TENM2: variants seen among roughly 807,000 people sequenced by gnomAD.
TENM2 encodes the protein teneurin-2.
In TENM2, 52 loss-of-function variants were observed where a neutral mutation model predicts 245.2. That is an observed-to-expected ratio of 0.21 (90% confidence interval 0.17 to 0.27). The LOEUF (loss-of-function observed/expected upper bound fraction) is 0.27, where lower values mean the gene tolerates loss of function less well. Among genes scored for constraint, TENM2 ranks in the 10% least tolerant of loss-of-function variants. The pLI is 1.00. For synonymous variants in TENM2, 1,363 were observed against 1,438.9 expected (o/e 0.95, Z 1.19); for missense variants, 3,046 against 3,666.8 (o/e 0.83, Z 4.37).
At chr5:168,153,607 A>G (rs551208451) in intron 12 of TENM2, among the ~76,000 whole-genome samples, 5 of 152,332 alleles carry the variant, frequency 3.3e-5, no homozygotes, top group Admixed American at 3.3e-4. Context: ...ACATGAGAAG[A>G]GAGAAATGGG....
chr5:168,109,873 G>A (rs1794535921), intron 9 of TENM2, among the ~76,000 whole-genome samples: 1 of 152,114 alleles, frequency 6.6e-6, no homozygotes, highest in South Asian at 2.1e-4. Context: ...AAGTTGCAGT[G>A]CACATTATTT....
At chr5:167,152,739 T>C in the TENM2 span, among the ~76,000 whole-genome samples, 102 of 152,254 alleles carry the variant, frequency 6.7e-4, no homozygotes, top group African/African-American at 2.3e-3. Flanking sequence ...GCAGGTAGTG[T>C]ATAAAGTGTG....
intron 3 of TENM2, among the ~76,000 whole-genome samples, chr5:167,879,035 G>C (rs1773664592): frequency 6.6e-6 from 1 of 152,056 alleles, no homozygotes; most frequent in Admixed American, 6.6e-5. Flanking sequence ...TTTGATGTTG[G>C]TGAAGCCCAT....
At chr5:167,407,890 A>G (rs1329698010) in intron 2 of TENM2, among the ~76,000 whole-genome samples, 1 of 152,138 alleles carries the variant, frequency 6.6e-6, no homozygotes, top group African/African-American at 2.4e-5. Flanking sequence ...ACTTCACTCA[A>G]ATGGACCTTC....
At chr5:167,518,053 G>A (rs1370606271) in intron 2 of TENM2, among the ~76,000 whole-genome samples, 5 of 151,850 alleles carry the variant, frequency 3.3e-5, no homozygotes, top group Non-Finnish European at 4.4e-5. Context: ...CGGATGTTAC[G>A]GCGCACACCT....
intron 3 of TENM2, among the ~76,000 whole-genome samples, chr5:167,877,675 TA>T (rs1773542448): frequency 6.6e-6 from 1 of 152,218 alleles, no homozygotes; most frequent in Admixed American, 6.5e-5. Flanking sequence ...AAATCAGGCT[TA>T]AAATGAAATC....
In TENM2 at chr5:167,605,941, T is replaced by G. The variant is rs559033717; in HGVS notation, c.502+230468T>G. On this transcript the variant is annotated intron_variant, in intron 2 of 28. Transcript: ENST00000518659. ...TAGAGCCGAGAGAAATTTGTAGTGT[T>G]AAAAGCTTCCTTAGGGGGCTTCTCA... is the stretch of plus-strand genomic sequence containing the variant. Among the ~76,000 whole-genome samples the G allele has an allele frequency of 4.6e-5, 7 of 152,258 alleles. No individual in the cohort carries two copies. The South Asian group carries it at 1.5e-3, about 32-fold the overall frequency.
At chr5:167,456,150 A>T (rs558237541) in intron 2 of TENM2, among the ~76,000 whole-genome samples, 1 of 152,308 alleles carries the variant, frequency 6.6e-6, no homozygotes, top group South Asian at 2.1e-4. Flanking sequence ...ACTCTAAAAA[A>T]TCTCAAAACT....
In TENM2 at chr5:167,716,733, G is replaced by C. The variant is rs185847558; in HGVS notation, c.503-159253G>C. 1.1e-4 allele frequency among the ~76,000 whole-genome samples: 16 copies of C among 152,178 alleles called. No individual in the cohort carries two copies. In the East Asian group the frequency reaches 2.9e-3, roughly 28 times the overall value. ...TACTAAGCAGTGGTATTTGGGAGCT[G>C]GGTAAAAACTTTCTGACACAAGCAT... On this transcript the variant is annotated intron_variant, in intron 2 of 28. Coordinates refer to ENST00000518659, the Ensembl canonical transcript of TENM2.
intron 2 of TENM2, among the ~76,000 whole-genome samples, chr5:167,420,602 A>G (rs748687117): frequency 2.6e-5 from 4 of 152,120 alleles, no homozygotes; most frequent in Non-Finnish European, 4.4e-5. Context: ...TGCCTCAGGT[A>G]TCTTCATGTC....
intron 2 of TENM2, among the ~76,000 whole-genome samples, chr5:167,582,533 G>A (rs1775162964): frequency 6.6e-6 from 1 of 152,104 alleles, no homozygotes; most frequent in African/African-American, 2.4e-5. Context: ...TTTTCAAATG[G>A]TGAAATGATG....
chr5:167,452,961 A>ATATATATATATATATAT (rs1561968262), intron 2 of TENM2, among the ~76,000 whole-genome samples: 9 of 77,070 alleles, frequency 1.2e-4, no homozygotes, highest in South Asian at 4.8e-4. Flanking sequence ...ATATATATAT[A>ATATATATATATATATAT]TTTAAAAAAA....
At chr5:168,073,708 G>A (rs1268777425) in intron 7 of TENM2, among the ~76,000 whole-genome samples, 2 of 152,172 alleles carry the variant, frequency 1.3e-5, no homozygotes, top group African/African-American at 2.4e-5. Flanking sequence ...ACACTTTCAC[G>A]TACCTGGGGA....
At chr5:167,096,338 A>C in the TENM2 span, among the ~76,000 whole-genome samples, 1 of 152,116 alleles carries the variant, frequency 6.6e-6, no homozygotes, top group East Asian at 1.9e-4. Flanking sequence ...CCTGTTGAAA[A>C]TCTGTAAAGG....
the TENM2 span, among the ~76,000 whole-genome samples, chr5:167,248,966 C>G: frequency 1.4e-3 from 207 of 152,014 alleles, 1 homozygote; most frequent in Non-Finnish European, 1.5e-3. Context: ...AATTTATAGT[C>G]CGCTGATCAG....
chr5:167,091,716 A>G, the TENM2 span, among the ~76,000 whole-genome samples: 1 of 152,190 alleles, frequency 6.6e-6, no homozygotes, highest in Non-Finnish European at 1.5e-5. Context: ...TACAGTTTTC[A>G]TCTGCATAAT....
intron 13 of TENM2, among the ~76,000 whole-genome samples, chr5:168,181,488 C>T (rs1485292439): frequency 6.6e-6 from 1 of 152,060 alleles, no homozygotes. Flanking sequence ...TCCTCTCTGC[C>T]AGATCTCTGG....
chr5:167,269,846 A>G, the TENM2 span, among the ~76,000 whole-genome samples: 1 of 152,274 alleles, frequency 6.6e-6, no homozygotes, highest in East Asian at 1.9e-4. Flanking sequence ...AGAAATTTAG[A>G]ACCATCCCAG....
the TENM2 span, among the ~76,000 whole-genome samples, chr5:167,149,012 AAATG>A: frequency 1.3e-5 from 2 of 152,170 alleles, no homozygotes; most frequent in African/African-American, 4.8e-5. Context: ...TAAAAAGAAA[AAATG>A]AATATTTTCT....
Sources: gnomAD v4.1 joint callset for allele counts (sites outside exome capture counted in the v4.1 genomes callset) on GRCh38, gnomAD v4.1.1 for gene constraint, MANE v1.5 for transcripts, NCBI Gene and HGNC (gene_info 2026-07-23, HGNC 2026-07-21) for gene names.